Variants in SLC7A14 observed in about 807,000 individuals in gnomAD.
SLC7A14 encodes the protein gamma-aminobutyric acid transporter SLC7A14.
A neutral mutation model predicts 60.2 loss-of-function variants in SLC7A14; 37 were observed. That is an observed-to-expected ratio of 0.61 (90% confidence interval 0.47 to 0.81). The LOEUF (loss-of-function observed/expected upper bound fraction) is 0.81, where lower values mean the gene tolerates loss of function less well. Among genes scored for constraint, SLC7A14 ranks in the 30% least tolerant of loss-of-function variants. SLC7A14 has a pLI of 0.00. For synonymous variants in SLC7A14, 399 were observed against 395.8 expected, an observed-to-expected ratio of 1.01 and a Z score of -0.10; for missense variants, 886 against 982.7, an observed-to-expected ratio of 0.90 and a Z score of 1.32.
chr3:170,488,878 CG>C (rs1560255080), intron 4 of SLC7A14, among the ~76,000 whole-genome samples: 2 of 151,926 alleles, frequency 1.3e-5, no homozygotes, highest in African/African-American at 4.8e-5. Flanking sequence ...TGGAAATAAG[CG>C]GGGTTATAAA....
chr3:170,506,560 T>C (rs1712786946), intron 2 of SLC7A14, among the ~76,000 whole-genome samples: 1 of 152,230 alleles, frequency 6.6e-6, no homozygotes, highest in Non-Finnish European at 1.5e-5. Context: ...TCAATGTGAA[T>C]TTCTTTTCAA....
chr3:170,532,501 G>A lies in SLC7A14; in HGVS notation c.-152-5413C>T, dbSNP rs1205460375. Among the ~76,000 whole-genome samples, 2 of 152,228 alleles carry A rather than the reference G, an allele frequency of 1.3e-5. No homozygotes were observed. The highest frequency in any genetic ancestry group is 2.9e-5 in the Non-Finnish European group (2 of 68,046). On this transcript the variant is annotated intron_variant, in intron 1 of 7. Transcript: ENST00000231706. The surrounding 1 kb of genome is among the most constrained non-coding windows in gnomAD (Gnocchi z 4.0). ...AGTGACCTTGGGCAAACCTCACTAT[G>A]CGTCAGTTTTGCCATTTGTAAAATG...
At chr3:170,488,344 G>A (rs1283825785) in intron 4 of SLC7A14, among the ~76,000 whole-genome samples, 1 of 152,188 alleles carries the variant, frequency 6.6e-6, no homozygotes, top group African/African-American at 2.4e-5. Context: ...CTACAGCAAA[G>A]TTTTTCATAC....
chr3:170,501,374 G>A (rs1577517658), intron 2 of SLC7A14, 29 bp from the exon 3 acceptor site: 2 of 1,586,840 alleles, frequency 1.3e-6, no homozygotes, highest in East Asian at 2.2e-5. Flanking sequence ...CACAGATGGT[G>A]GACTTCAGGA....
At chr3:170,553,593 C>T (rs1170402907) in intron 1 of SLC7A14, among the ~76,000 whole-genome samples, 2 of 152,188 alleles carry the variant, frequency 1.3e-5, no homozygotes, top group African/African-American at 2.4e-5. Flanking sequence ...ACTCAAATAT[C>T]CCATGTGAGA....
intron 1 of SLC7A14, among the ~76,000 whole-genome samples, chr3:170,530,517 A>C (rs1713642805): frequency 6.6e-6 from 1 of 152,268 alleles, no homozygotes; most frequent in Admixed American, 6.5e-5. Context: ...CGCAGAGGTC[A>C]GACTGCCAGG....
intron 5 of SLC7A14, among the ~76,000 whole-genome samples, chr3:170,484,622 T>C (rs1711958786): frequency 6.6e-6 from 1 of 152,176 alleles, no homozygotes; most frequent in Non-Finnish European, 1.5e-5. Context: ...TCTTTGCCTA[T>C]TCCTCTGGAG....
chr3:170,496,447 A>G, intron 4 of SLC7A14: 4 of 1,264,740 alleles, frequency 3.2e-6, no homozygotes, highest in Non-Finnish European at 4.6e-6. Flanking sequence ...GCAGATACCG[A>G]GCAGCGTGGG....
At chr3:170,477,183 G>A (rs575047848) in intron 7 of SLC7A14, among the ~76,000 whole-genome samples, 1 of 152,296 alleles carries the variant, frequency 6.6e-6, no homozygotes, top group South Asian at 2.1e-4. Flanking sequence ...TTGAGCATGG[G>A]TATACTGAGT....
chr3:170,499,547 G>A (rs936420210), intron 3 of SLC7A14, among the ~76,000 whole-genome samples: 1 of 152,086 alleles, frequency 6.6e-6, no homozygotes, highest in South Asian at 2.1e-4. Context: ...ATTGTTTTTA[G>A]CTTCATTATT....
At chr3:170,572,060 C>CAAAA (rs765897392) in intron 1 of SLC7A14, among the ~76,000 whole-genome samples, 59 of 79,270 alleles carry the variant, frequency 7.4e-4, no homozygotes, top group Non-Finnish European at 8.5e-4. Flanking sequence ...GACTCTGTCT[C>CAAAA]AAAAAAAAAA....
intron 2 of SLC7A14, among the ~76,000 whole-genome samples, chr3:170,522,143 C>T (rs1318915290): frequency 1.3e-5 from 2 of 152,192 alleles, no homozygotes; most frequent in Non-Finnish European, 2.9e-5. Context: ...CCACACCTAA[C>T]AATTCTGAGT....
intron 7 of SLC7A14, among the ~76,000 whole-genome samples, chr3:170,469,725 C>T (rs1739829520): frequency 6.6e-6 from 1 of 152,082 alleles, no homozygotes; most frequent in Admixed American, 6.5e-5. Context: ...CAGGCAGATG[C>T]CAAATATTGC....
At chr3:170,490,863 TAGAG>T (rs1207919520) in intron 4 of SLC7A14, among the ~76,000 whole-genome samples, 1 of 152,184 alleles carries the variant, frequency 6.6e-6, no homozygotes, top group Non-Finnish European at 1.5e-5. Flanking sequence ...AATGAGATAA[TAGAG>T]TAAACTGCAG....
At chr3:170,540,555 T>G (rs191986697) in intron 1 of SLC7A14, among the ~76,000 whole-genome samples, 2 of 151,852 alleles carry the variant, frequency 1.3e-5, no homozygotes, top group East Asian at 1.9e-4. Context: ...CGCCCAGGAG[T>G]GCACTGTTCA....
rs536821910 is a variant in SLC7A14 at position 170,493,013 on chromosome 3, G to A, written c.759+5654C>T. Among the ~76,000 whole-genome samples the A allele has an allele frequency of 3.3e-5, 5 of 152,282 alleles. No individual in the cohort carries two copies. The East Asian group carries it at 7.7e-4, about 24-fold the overall frequency. On this transcript the variant is annotated intron_variant, in intron 4 of 7. Transcript: ENST00000231706. ...AAAACAACTTTTCCTTTGTTTGGAGGCTGTCAGGATTCCCCACAAATGATT... is the reference window on the plus strand; with the variant it reads ...AAAACAACTTTTCCTTTGTTTGGAGACTGTCAGGATTCCCCACAAATGATT...
intron 1 of SLC7A14, among the ~76,000 whole-genome samples, chr3:170,549,083 A>G (rs1174641234): frequency 6.6e-6 from 1 of 152,240 alleles, no homozygotes; most frequent in Admixed American, 6.5e-5. Flanking sequence ...GATTATCATG[A>G]GTCTGTAAGA....
intron 1 of SLC7A14, among the ~76,000 whole-genome samples, chr3:170,540,450 T>C (rs1194621307): frequency 6.6e-6 from 1 of 152,020 alleles, no homozygotes; most frequent in African/African-American, 2.4e-5. Flanking sequence ...GATTTTTAGT[T>C]TGCTTCTTTT....
intron 4 of SLC7A14, chr3:170,495,906 C>T: frequency 7.0e-7 from 1 of 1,435,336 alleles, no homozygotes; most frequent in Non-Finnish European, 9.8e-7. Context: ...CTAGGAGAAG[C>T]TGAAGCTGGA....
Sources: gnomAD v4.1 joint callset for allele counts (sites outside exome capture counted in the v4.1 genomes callset) on GRCh38, gnomAD v4.1.1 for gene constraint, Gnocchi (gnomAD v3.1) non-coding constraint, MANE v1.5 for transcripts, NCBI Gene and HGNC (gene_info 2026-07-23, HGNC 2026-07-21) for gene names.